RBFOX3: variants seen among roughly 807,000 people sequenced by gnomAD.
RBFOX3 encodes RNA binding fox-1 homolog 3.
Under a neutral mutation model 48.7 loss-of-function variants are expected in RBFOX3, and 17 were observed. The observed-to-expected ratio is 0.35, with a 90% CI of 0.24 to 0.52. The LOEUF (loss-of-function observed/expected upper bound fraction) is 0.52. Among genes scored for constraint, RBFOX3 ranks in the 20% least tolerant of loss-of-function variants. The probability of loss-of-function intolerance (pLI) is 0.94; values close to 1 mark genes in which losing one functional copy is unlikely to be tolerated. For missense variants in RBFOX3, 382 were observed against 497.5 expected (o/e 0.77, Z 2.21); for synonymous variants, 212 against 209.5 (o/e 1.01, Z -0.10).
In RBFOX3 at chr17:79,254,384, C is replaced by T. The variant is rs148540651; in HGVS notation, c.-73-18579G>A. Among the ~76,000 whole-genome samples, 253 of 152,212 alleles carry T rather than the reference C, an allele frequency of 1.7e-3. No homozygotes were observed. The highest frequency in any genetic ancestry group is 5.8e-3 in the African/African-American group (241 of 41,530). On this transcript the variant is annotated intron_variant, in intron 3 of 14. Transcript: ENST00000693108. The surrounding 1 kb of genome is among the most constrained non-coding windows in gnomAD (Gnocchi z 4.8). The stretch of plus-strand genomic sequence containing the variant: ...CCTGAGACCCTCAGCCCTAGCTCCA[C>T]ATACCCCCAAACCTGCCCCCCAATC...
In RBFOX3 at chr17:79,423,598, C is replaced by T; in HGVS notation, c.-175+58856G>A. On this transcript the variant is annotated intron_variant, in intron 2 of 14. Coordinates refer to ENST00000693108, the MANE Select transcript of RBFOX3 (RefSeq NM_001350451.2). The surrounding 1 kb of genome is among the most constrained non-coding windows in gnomAD (Gnocchi z 4.9). ...CGCCACCTCTCCACGCTGGACACTGCCCCCTGTGCAAACGCAGCCCCCACC... is the reference window on the plus strand; with the variant it reads ...CGCCACCTCTCCACGCTGGACACTGTCCCCTGTGCAAACGCAGCCCCCACC... The T allele has an allele frequency of 6.5e-6, 1 of 153,288 alleles. No homozygotes were observed. Among genetic ancestry groups the T allele is most frequent in the Non-Finnish European group, 1.5e-5 (1 of 68,096 alleles). 9.5% of individuals were successfully genotyped at this position (153,288 alleles called of 1,614,324 possible).
the RBFOX3 span, among the ~76,000 whole-genome samples, chr17:79,619,592 G>C: frequency 6.6e-6 from 1 of 152,066 alleles, no homozygotes; most frequent in Non-Finnish European, 1.5e-5. Context: ...ACCTGCAAAG[G>C]TACTGTGTCC....
At chr17:79,402,906 G>A (rs775963228) in intron 2 of RBFOX3, among the ~76,000 whole-genome samples, 1 of 152,186 alleles carries the variant, frequency 6.6e-6, no homozygotes, top group African/African-American at 2.4e-5. Context: ...CGAGGTTGCA[G>A]GTCACATTCT....
intron 4 of RBFOX3, among the ~76,000 whole-genome samples, chr17:79,178,857 C>T (rs1017082429): frequency 2.6e-5 from 4 of 152,210 alleles, no homozygotes; most frequent in African/African-American, 7.2e-5. Context: ...TGGTTAAATT[C>T]TCCAGTGAAC....
chr17:79,492,482 C>T (rs1049562613), intron 1 of RBFOX3, among the ~76,000 whole-genome samples: 43 of 152,356 alleles, frequency 2.8e-4, no homozygotes, highest in African/African-American at 9.1e-4. Context: ...GAGAGGCCAC[C>T]TGGAGAGGAA....
intron 2 of RBFOX3, among the ~76,000 whole-genome samples, chr17:79,332,822 G>C (rs896372584): frequency 6.6e-6 from 1 of 151,562 alleles, no homozygotes; most frequent in Non-Finnish European, 1.5e-5. Context: ...GAGAGACAGA[G>C]ACATAGAGAA....
intron 3 of RBFOX3, among the ~76,000 whole-genome samples, chr17:79,287,079 T>A (rs1460156281): frequency 6.6e-6 from 1 of 152,238 alleles, no homozygotes; most frequent in Non-Finnish European, 1.5e-5. Flanking sequence ...GCAAGCAGGA[T>A]AGCTTTACCC....
chr17:79,283,748 G>A (rs1266697368), intron 3 of RBFOX3, among the ~76,000 whole-genome samples: 2 of 152,194 alleles, frequency 1.3e-5, no homozygotes, highest in Non-Finnish European at 2.9e-5. Flanking sequence ...CATGCAGAGC[G>A]GTTAGTGGCT....
intron 1 of RBFOX3, among the ~76,000 whole-genome samples, chr17:79,561,741 A>G (rs1286741130): frequency 1.3e-5 from 2 of 152,184 alleles, no homozygotes; most frequent in African/African-American, 4.8e-5. Flanking sequence ...AGCAGCAACC[A>G]GCGTCCTGAG....
At chr17:79,194,148 A>G (rs2055069536) in intron 4 of RBFOX3, among the ~76,000 whole-genome samples, 1 of 152,166 alleles carries the variant, frequency 6.6e-6, no homozygotes, top group African/African-American at 2.4e-5. Flanking sequence ...CTCCTTTCAC[A>G]TGGCGCTGTC....
At chr17:79,386,631 G>C (rs1157882157) in intron 2 of RBFOX3, among the ~76,000 whole-genome samples, 5 of 152,194 alleles carry the variant, frequency 3.3e-5, no homozygotes, top group African/African-American at 9.6e-5. Context: ...GTCAGTGTGA[G>C]CTCCCGGCCA....
intron 3 of RBFOX3, among the ~76,000 whole-genome samples, chr17:79,264,000 T>A (rs2066242403): frequency 6.6e-6 from 1 of 151,618 alleles, no homozygotes; most frequent in Non-Finnish European, 1.5e-5. Context: ...AGGCAGAGAT[T>A]GGAGAGTCAA....
chr17:79,178,654 A>G (rs1284385964), intron 4 of RBFOX3, among the ~76,000 whole-genome samples: 1 of 152,228 alleles, frequency 6.6e-6, no homozygotes, highest in African/African-American at 2.4e-5. Flanking sequence ...CTGGGGAAGA[A>G]CCCACAAATG....
intron 1 of RBFOX3, among the ~76,000 whole-genome samples, chr17:79,561,081 C>A (rs1173753082): frequency 6.6e-6 from 1 of 152,204 alleles, no homozygotes; most frequent in East Asian, 1.9e-4. Context: ...GTTCACAATT[C>A]AAACAAATAG....
At chr17:79,096,895 C>T (rs780351234) in intron 11 of RBFOX3, 62 bp from the exon 12 acceptor site, 43 of 622,678 alleles carry the variant, frequency 6.9e-5, no homozygotes, top group Non-Finnish European at 1.1e-4. Flanking sequence ...CCACAAACCC[C>T]GGGGCCCATA....
At chr17:79,657,580 G>T in the RBFOX3 span, among the ~76,000 whole-genome samples, 14 of 152,210 alleles carry the variant, frequency 9.2e-5, no homozygotes, top group Non-Finnish European at 4.4e-5. Flanking sequence ...TCAGGAGGCT[G>T]AGGCAGGAGA....
chr17:79,156,452 G>C (rs1203091817), intron 4 of RBFOX3, among the ~76,000 whole-genome samples: 1 of 152,160 alleles, frequency 6.6e-6, no homozygotes, highest in African/African-American at 2.4e-5. Flanking sequence ...GGGCAGGGGA[G>C]AACCTCGCCT....
At position 79,254,634 on chromosome 17, in the gene RBFOX3, T is replaced by C. The variant is rs1357417220; in HGVS notation, c.-73-18829A>G. ...ATCTCCCACCTGCTTGGGTTGGTCTTATGCCACCAGGGGCCACTTCTGAGC... is the reference window on the plus strand; with the variant it reads ...ATCTCCCACCTGCTTGGGTTGGTCTCATGCCACCAGGGGCCACTTCTGAGC... On this transcript the variant is annotated intron_variant, in intron 3 of 14. Coordinates refer to ENST00000693108, the MANE Select transcript of RBFOX3 (RefSeq NM_001350451.2). This position sits in a 1 kb window ranked among gnomAD's most constrained non-coding sequence, Gnocchi z 4.8. 6.6e-6 allele frequency among the ~76,000 whole-genome samples: 1 copy of C among 152,136 alleles called. No individual in the cohort carries two copies. The highest frequency in any genetic ancestry group is 1.5e-5 in the Non-Finnish European group (1 of 68,012).
chr17:79,312,606 A>G (rs1228509377), intron 2 of RBFOX3, among the ~76,000 whole-genome samples: 2 of 152,096 alleles, frequency 1.3e-5, no homozygotes, highest in Admixed American at 1.3e-4. Flanking sequence ...CTTCCTGGGA[A>G]GGGGACACAG....
Sources: allele counts gnomAD v4.1 joint callset (sites outside exome capture counted in the v4.1 genomes callset), GRCh38; gene constraint gnomAD v4.1.1; non-coding constraint Gnocchi (gnomAD v3.1); transcripts MANE v1.5; gene names NCBI Gene and HGNC (gene_info 2026-07-23, HGNC 2026-07-21).